SEPTIN9: variants seen among roughly 807,000 people sequenced by gnomAD.
The protein encoded by SEPTIN9 is septin 9, also known as septin-9.
A neutral mutation model predicts 56.6 loss-of-function variants in SEPTIN9; 13 were observed. The observed-to-expected ratio is 0.23, with a 90% CI of 0.15 to 0.37. The LOEUF (loss-of-function observed/expected upper bound fraction) is 0.37. Among genes scored for constraint, SEPTIN9 ranks in the 10% least tolerant of loss-of-function variants. The pLI, the probability that SEPTIN9 is intolerant of heterozygous loss-of-function variation, is 1.00. For missense variants in SEPTIN9, 650 were observed against 823.1 expected (o/e 0.79, Z 2.57); for synonymous variants, 332 against 334.1 (o/e 0.99, Z 0.07).
intron 1 of SEPTIN9, among the ~76,000 whole-genome samples, chr17:77,299,889 C>T (rs2143558891): frequency 6.6e-6 from 1 of 152,354 alleles, no homozygotes; most frequent in Admixed American, 6.5e-5. Flanking sequence ...GAGGGGCGGC[C>T]TCCATGGGCC....
intron 3 of SEPTIN9, among the ~76,000 whole-genome samples, chr17:77,409,225 C>G (rs1333885910): frequency 3.3e-5 from 5 of 152,194 alleles, no homozygotes; most frequent in Non-Finnish European, 7.3e-5. Context: ...CTTCTCCGAA[C>G]TGTCCCTGGA....
intron 2 of SEPTIN9, chr17:77,320,414 C>T (rs957552092): frequency 8.5e-6 from 12 of 1,411,652 alleles, no homozygotes; most frequent in Admixed American, 3.4e-5. Context: ...TTTATTTATG[C>T]CTGGGGGAAT....
Position 77,487,548 on chromosome 17 carries a change from G to A in SEPTIN9, c.1038G>A (p.Thr346=), listed in dbSNP as rs201773410. Reference sequence around the variant, plus strand: ...AGACCATCGAGATCAAGTCCATCACGCACGGTCAGTGGCCGGGAGTGGGCT... The same window carrying A: ...AGACCATCGAGATCAAGTCCATCACACACGGTCAGTGGCCGGGAGTGGGCT... ...IPKTIEIKSI[T]HDIEEKGVRM... Residue 346 remains threonine (T), a synonymous_variant, in exon 5 of 12, where the codon ACG becomes ACA. Coordinates refer to ENST00000427177, the MANE Select transcript of SEPTIN9 (RefSeq NM_001113491.2). This position sits in a 1 kb window ranked among gnomAD's most constrained non-coding sequence, Gnocchi z 4.3. The A allele has an allele frequency of 1.4e-5, 22 of 1,612,758 alleles. No homozygotes were observed. Among genetic ancestry groups the A allele is most frequent in the Middle Eastern group, 1.7e-4 (1 of 6,056 alleles).
At chr17:77,346,143 T>C (rs1327556488) in intron 2 of SEPTIN9, among the ~76,000 whole-genome samples, 3 of 152,064 alleles carry the variant, frequency 2.0e-5, no homozygotes, top group Admixed American at 6.5e-5. Context: ...GGTTTCACCA[T>C]GTTGGCCAGG....
chr17:77,343,165 G>C (rs1245166202), intron 2 of SEPTIN9, among the ~76,000 whole-genome samples: 1 of 152,184 alleles, frequency 6.6e-6, no homozygotes, highest in Non-Finnish European at 1.5e-5. Context: ...GGACAGCCTG[G>C]GGATAAGGGC....
At chr17:77,354,841 C>T (rs767722544) in intron 2 of SEPTIN9, among the ~76,000 whole-genome samples, 9 of 152,072 alleles carry the variant, frequency 5.9e-5, no homozygotes, top group East Asian at 1.9e-4. Flanking sequence ...GACCCCTGGC[C>T]GGTGCTGGGC....
rs2037916858 is a variant in SEPTIN9, at chr17:77,450,297, G to T, written c.722-31847G>T. Among the ~76,000 whole-genome samples the T allele has an allele frequency of 6.6e-6, 1 of 152,184 alleles. No individual in the cohort carries two copies. The highest frequency in any genetic ancestry group is 1.5e-5 in the Non-Finnish European group (1 of 68,024). ...CCCCCAGCCACGTGTGGGGGTGCGG[G>T]ATGGGAAAGGTAAGAGTGTGTGGAG... On this transcript the variant is annotated intron_variant, in intron 3 of 11. Transcript: ENST00000427177. This position sits in a 1 kb window ranked among gnomAD's most constrained non-coding sequence, Gnocchi z 6.0.
chr17:77,416,579 G>A (rs932557975), intron 3 of SEPTIN9, among the ~76,000 whole-genome samples: 3 of 152,206 alleles, frequency 2.0e-5, no homozygotes, highest in Admixed American at 6.5e-5. Flanking sequence ...AGGATGCGGT[G>A]GGAGGAAGAC....
At chr17:77,485,037 G>T (rs373728863) in intron 4 of SEPTIN9, among the ~76,000 whole-genome samples, 4 of 102,448 alleles carry the variant, frequency 3.9e-5, no homozygotes, top group Non-Finnish European at 4.1e-5. Flanking sequence ...GTGGTGAAGG[G>T]GGTGATGGTG....
chr17:77,352,518 C>T (rs148167968), intron 2 of SEPTIN9, among the ~76,000 whole-genome samples: 5 of 152,308 alleles, frequency 3.3e-5, no homozygotes, highest in Non-Finnish European at 5.9e-5. Context: ...CTGGGGGTTC[C>T]GAGGGAGACT....
At chr17:77,289,142 G>C (rs1045015311) in intron 1 of SEPTIN9, among the ~76,000 whole-genome samples, 3 of 152,196 alleles carry the variant, frequency 2.0e-5, no homozygotes, top group Non-Finnish European at 4.4e-5. Flanking sequence ...TGTCACCCAG[G>C]CTGGAGTGTG....
At chr17:77,489,268 G>A (rs1044873923) in intron 7 of SEPTIN9, among the ~76,000 whole-genome samples, 1 of 152,206 alleles carries the variant, frequency 6.6e-6, no homozygotes, top group African/African-American at 2.4e-5. Context: ...GGTTTGGTGC[G>A]TTCTTAGACG....
chr17:77,475,615 G>A lies in SEPTIN9; in HGVS notation c.722-6529G>A, dbSNP rs1369504162. 6.2e-7 allele frequency: 1 copy of A among 1,613,776 alleles called. No individual in the cohort carries two copies. Among genetic ancestry groups the A allele is most frequent in the Admixed American group, 1.7e-5 (1 of 60,016 alleles). ...GGATTCAGGGGAGCCTGCAGAGGGA[G>A]GGCAGCTGGAGGCTGCTCCAGTGTG... On this transcript the variant is annotated intron_variant, in intron 3 of 11. Coordinates refer to ENST00000427177, the MANE Select transcript of SEPTIN9 (RefSeq NM_001113491.2). This position sits in a 1 kb window ranked among gnomAD's most constrained non-coding sequence, Gnocchi z 4.6.
chr17:77,294,145 G>A (rs573597520), intron 1 of SEPTIN9, among the ~76,000 whole-genome samples: 3 of 151,622 alleles, frequency 2.0e-5, no homozygotes, highest in African/African-American at 4.8e-5. Flanking sequence ...TAGGCTGGGC[G>A]TGGTGGCTCA....
At position 77,425,633 on chromosome 17, in the gene SEPTIN9, G is replaced by A. The variant is rs1297801021; in HGVS notation, c.721+22930G>A. On this transcript the variant is annotated intron_variant, in intron 3 of 11. Transcript: ENST00000427177. The surrounding 1 kb of genome is among the most constrained non-coding windows in gnomAD (Gnocchi z 4.2). ...CAGGACCTGGAGCCTCAGCCAGAGA[G>A]GGACCCTCCACTGCCTCTTTCTCTG... is the stretch of plus-strand genomic sequence containing the variant. Among the ~76,000 whole-genome samples, 1 of 152,212 alleles carries A rather than the reference G, an allele frequency of 6.6e-6. No individual in the cohort carries two copies. The highest frequency in any genetic ancestry group is 1.5e-5 in the Non-Finnish European group (1 of 68,030).
chr17:77,338,551 T>C (rs2033628716), intron 2 of SEPTIN9, among the ~76,000 whole-genome samples: 1 of 152,202 alleles, frequency 6.6e-6, no homozygotes. Context: ...CCCGAGTAGC[T>C]GGGACTACAG....
chr17:77,416,610 C>T (rs575519981), intron 3 of SEPTIN9, among the ~76,000 whole-genome samples: 2 of 152,262 alleles, frequency 1.3e-5, no homozygotes, highest in African/African-American at 2.4e-5. Context: ...CTGCATCCTC[C>T]GAAGCATAAC....
At chr17:77,464,270 G>A (rs2038608973) in intron 3 of SEPTIN9, among the ~76,000 whole-genome samples, 1 of 152,062 alleles carries the variant, frequency 6.6e-6, no homozygotes, top group South Asian at 2.1e-4. Flanking sequence ...TAGAGACGGT[G>A]TTTCACCAGG....
Position 77,437,867 on chromosome 17 carries a change from C to T in SEPTIN9, c.721+35164C>T, listed in dbSNP as rs2037401859. On this transcript the variant is annotated intron_variant, in intron 3 of 11. Coordinates refer to ENST00000427177, the MANE Select transcript of SEPTIN9 (RefSeq NM_001113491.2). This position sits in a 1 kb window ranked among gnomAD's most constrained non-coding sequence, Gnocchi z 5.3. ...GTGCCTCCCGAAGCTTCTCCCTGGC[C>T]CCAGGCCAGAGGTGACAGTGGGGGC... 2.0e-5 allele frequency among the ~76,000 whole-genome samples: 3 copies of T among 152,100 alleles called. No homozygotes were observed. Among genetic ancestry groups the T allele is most frequent in the Admixed American group, 6.5e-5 (1 of 15,296 alleles).
Sources: allele counts gnomAD v4.1 joint callset (sites outside exome capture counted in the v4.1 genomes callset), GRCh38; gene constraint gnomAD v4.1.1; non-coding constraint Gnocchi (gnomAD v3.1); transcripts MANE v1.5; gene names NCBI Gene and HGNC (gene_info 2026-07-23, HGNC 2026-07-21).